TUSC3: variants seen among roughly 807,000 people sequenced by gnomAD.
TUSC3 encodes dolichyl-diphosphooligosaccharide--protein glycosyltransferase subunit TUSC3.
In TUSC3, 45 loss-of-function variants were observed where a neutral mutation model predicts 44.8. The observed-to-expected ratio is 1.00, with a 90% CI of 0.79 to 1.29. The LOEUF is 1.29. Ranked by LOEUF, TUSC3 falls within the 50% of genes most tolerant of loss-of-function variation. TUSC3 has a pLI of 0.00. For synonymous variants in TUSC3, 212 were observed against 152.9 expected (o/e 1.39, Z -2.85); for missense variants, 519 against 437.9 (o/e 1.19, Z -1.65).
intron 1 of TUSC3, among the ~76,000 whole-genome samples, chr8:15,431,376 T>G (rs533295970): frequency 1.3e-5 from 2 of 151,930 alleles, no homozygotes; most frequent in African/African-American, 2.4e-5. Context: ...TTCTTTAGTT[T>G]TCATTGTACA....
chr8:15,728,401 A>G (rs2129207231), intron 6 of TUSC3, among the ~76,000 whole-genome samples: 1 of 139,884 alleles, frequency 7.1e-6, no homozygotes, highest in Admixed American at 7.1e-5. Context: ...TGAATTTGGA[A>G]TGGATTTTGA....
At chr8:15,799,204 C>G in the TUSC3 span, among the ~76,000 whole-genome samples, 144,728 of 152,234 alleles carry the variant, frequency 0.95, 68,886 homozygotes, top group Non-Finnish European at 0.97. Context: ...CTGCAGGAGG[C>G]ATTGAGCTGT....
At chr8:15,614,889 AG>A (rs1804923009) in intron 1 of TUSC3, among the ~76,000 whole-genome samples, 1 of 150,092 alleles carries the variant, frequency 6.7e-6, no homozygotes, top group South Asian at 2.2e-4. Context: ...TTTTATATAT[AG>A]TGAAAGTATA....
At chr8:15,702,073 C>T (rs1809429873) in intron 6 of TUSC3, among the ~76,000 whole-genome samples, 3 of 152,020 alleles carry the variant, frequency 2.0e-5, no homozygotes, top group Admixed American at 6.6e-5. Flanking sequence ...ATGGAAGAGC[C>T]ATTATGTAAG....
At chr8:15,552,495 T>C (rs745728615) in intron 1 of TUSC3, among the ~76,000 whole-genome samples, 2 of 151,694 alleles carry the variant, frequency 1.3e-5, no homozygotes, top group Non-Finnish European at 2.9e-5. Flanking sequence ...TACTAGCATA[T>C]TGGGGTGAGC....
intron 3 of TUSC3, among the ~76,000 whole-genome samples, chr8:15,658,875 T>C (rs1807294295): frequency 6.6e-6 from 1 of 152,086 alleles, no homozygotes; most frequent in African/African-American, 2.4e-5. Flanking sequence ...TGAAATATAA[T>C]CAATTTAACA....
chr8:15,827,436 A>G, the TUSC3 span, among the ~76,000 whole-genome samples: 17,279 of 152,192 alleles, frequency 0.11, 1,070 homozygotes, highest in East Asian at 0.25. Context: ...TTCAATGGGT[A>G]GTGTTCAGTT....
the TUSC3 span, among the ~76,000 whole-genome samples, chr8:15,841,559 G>A: frequency 6.6e-6 from 1 of 151,716 alleles, no homozygotes; most frequent in Non-Finnish European, 1.5e-5. Flanking sequence ...TGTCTCCCAG[G>A]CTAGCGTGCA....
the TUSC3 span, among the ~76,000 whole-genome samples, chr8:15,797,589 T>A: frequency 2.0e-5 from 3 of 152,146 alleles, no homozygotes; most frequent in Non-Finnish European, 2.9e-5. Context: ...AGGAAAAACA[T>A]TGGAAATTAA....
chr8:15,566,011 T>G (rs1802654985), intron 1 of TUSC3, among the ~76,000 whole-genome samples: 1 of 152,176 alleles, frequency 6.6e-6, no homozygotes, highest in Non-Finnish European at 1.5e-5. Flanking sequence ...TATCATCGCT[T>G]ATGATGTATT....
At chr8:15,445,864 G>A (rs1180315452) in intron 1 of TUSC3, among the ~76,000 whole-genome samples, 7 of 152,082 alleles carry the variant, frequency 4.6e-5, no homozygotes, top group African/African-American at 1.2e-4. Context: ...GGTGGCGGCC[G>A]GGCAGAGGGG....
intron 2 of TUSC3, among the ~76,000 whole-genome samples, chr8:15,499,868 T>TTACA (rs112388396): frequency 1.3e-5 from 2 of 152,284 alleles, no homozygotes; most frequent in African/African-American, 4.8e-5. Flanking sequence ...AATCCTCATT[T>TTACA]TACATACATA....
At chr8:15,667,322 A>G (rs1807707902) in intron 5 of TUSC3, among the ~76,000 whole-genome samples, 1 of 151,632 alleles carries the variant, frequency 6.6e-6, no homozygotes, top group African/African-American at 2.4e-5. Flanking sequence ...GTATAAATGA[A>G]AGAAATAATG....
chr8:15,690,656 C>T (rs1000089087), intron 6 of TUSC3, among the ~76,000 whole-genome samples: 1 of 152,054 alleles, frequency 6.6e-6, no homozygotes, highest in African/African-American at 2.4e-5. Flanking sequence ...GTATTTCATC[C>T]ATCTTGAGTT....
chr8:15,766,473 A>C lies in TUSC3; in HGVS notation c.*2317A>C, dbSNP rs1439966118. 6.6e-6 allele frequency: 1 copy of C among 152,128 alleles called. No individual in the cohort carries two copies. Among genetic ancestry groups the C allele is most frequent in the Non-Finnish European group, 1.5e-5 (1 of 67,994 alleles). 9.4% of individuals were successfully genotyped at this position (152,128 alleles called of 1,614,324 possible). On this transcript the variant is annotated 3_prime_UTR_variant, in exon 11 of 11. Coordinates refer to ENST00000503731, the MANE Select transcript of TUSC3 (RefSeq NM_006765.4). ...TCACTGTGCGTTCCAAACTGTCATA[A>C]AAATTGATTATATGTTTAACAATTG...
intron 6 of TUSC3, among the ~76,000 whole-genome samples, chr8:15,684,843 G>C (rs538747070): frequency 1.6e-4 from 24 of 152,268 alleles, no homozygotes; most frequent in African/African-American, 5.8e-4. Flanking sequence ...CTGCAGGAGA[G>C]CAGACTGCTC....
At chr8:15,648,391 G>T (rs961848425) in intron 2 of TUSC3, among the ~76,000 whole-genome samples, 1 of 151,936 alleles carries the variant, frequency 6.6e-6, no homozygotes, top group Non-Finnish European at 1.5e-5. Context: ...GACTAGACGC[G>T]GGCAGACTCT....
chr8:15,575,078 T>A (rs1439664685), intron 1 of TUSC3, among the ~76,000 whole-genome samples: 3 of 152,182 alleles, frequency 2.0e-5, no homozygotes, highest in African/African-American at 7.2e-5. Flanking sequence ...TAGCAATTAA[T>A]GGTTTAAAAA....
the TUSC3 span, among the ~76,000 whole-genome samples, chr8:15,772,510 T>G: frequency 1.3e-5 from 2 of 152,200 alleles, no homozygotes; most frequent in East Asian, 3.8e-4. Flanking sequence ...AACAAGAGAT[T>G]GAACTGGTTA....
Sources: gnomAD v4.1 joint callset for allele counts (sites outside exome capture counted in the v4.1 genomes callset) on GRCh38, gnomAD v4.1.1 for gene constraint, MANE v1.5 for transcripts, NCBI Gene and HGNC (gene_info 2026-07-23, HGNC 2026-07-21) for gene names.